The following NDUFAF6 variants were observed in gnomAD, a reference collection of about 807,000 sequenced individuals.
The protein encoded by NDUFAF6 is NADH:ubiquinone oxidoreductase complex assembly factor 6.
Under a neutral mutation model 40.8 loss-of-function variants are expected in NDUFAF6, and 45 were observed. That is an observed-to-expected ratio of 1.10 (90% CI 0.87 to 1.42). The LOEUF is 1.42. NDUFAF6 is among the 40% of genes most tolerant of loss of function. NDUFAF6 has a pLI of 0.00. For missense variants in NDUFAF6, 435 were observed against 418.5 expected (o/e 1.04, Z -0.34); for synonymous variants, 185 against 155.9 (o/e 1.19, Z -1.39).
upstream of NDUFAF6, among the ~76,000 whole-genome samples, chr8:94,954,349 C>G (rs186137167): frequency 2.9e-3 from 435 of 152,344 alleles, 2 homozygotes; most frequent in African/African-American, 0.01. Flanking sequence ...GCATGAACCA[C>G]CACACCTGAC....
chr8:94,953,129 C>T (rs1297548363), upstream of NDUFAF6, among the ~76,000 whole-genome samples: 3 of 152,158 alleles, frequency 2.0e-5, no homozygotes, highest in African/African-American at 7.2e-5. Flanking sequence ...AGGTGGATCA[C>T]CTGAGGTCGG....
chr8:94,907,484 A>G (rs1177027560), intron 1 of NDUFAF6, among the ~76,000 whole-genome samples: 2 of 152,232 alleles, frequency 1.3e-5, no homozygotes, highest in African/African-American at 4.8e-5. Context: ...ATACATTTGC[A>G]GAATATATGA....
chr8:95,031,082 C>T (rs1172365491), intron 1 of NDUFAF6, among the ~76,000 whole-genome samples: 1 of 152,224 alleles, frequency 6.6e-6, no homozygotes, highest in Non-Finnish European at 1.5e-5. Flanking sequence ...CTAGGCCCCA[C>T]CTCCAACATT....
At chr8:94,993,747 C>T (rs1345806581) in intron 2 of NDUFAF6, among the ~76,000 whole-genome samples, 8 of 152,134 alleles carry the variant, frequency 5.3e-5, no homozygotes, top group Admixed American at 5.2e-4. Flanking sequence ...AAGAAGTGCC[C>T]ATCCAGCCCA....
chr8:95,097,284 C>T (rs11774506), upstream of NDUFAF6, among the ~76,000 whole-genome samples: 33,980 of 152,072 alleles, frequency 0.22, 4,727 homozygotes, highest in African/African-American at 0.4. Context: ...AAAAAATAAA[C>T]TAAGACATCT....
At chr8:95,085,257 A>G (rs1297234924) in intron 2 of NDUFAF6, among the ~76,000 whole-genome samples, 5 of 152,190 alleles carry the variant, frequency 3.3e-5, no homozygotes, top group Non-Finnish European at 4.4e-5. Flanking sequence ...TCAAGATGAG[A>G]AAAGTTAGAC....
At chr8:94,904,749 C>G (rs1034370338) in intron 1 of NDUFAF6, among the ~76,000 whole-genome samples, 4 of 151,958 alleles carry the variant, frequency 2.6e-5, no homozygotes, top group Admixed American at 2.0e-4. Flanking sequence ...TTTTTAATGT[C>G]CAGGCTCCTT....
At chr8:94,969,784 A>G (rs1824305298) in intron 1 of NDUFAF6, among the ~76,000 whole-genome samples, 1 of 152,254 alleles carries the variant, frequency 6.6e-6, no homozygotes. Flanking sequence ...AGTAAATATA[A>G]TGAGGCTTAG....
Position 95,064,028 on chromosome 8 carries a change from C to T in NDUFAF6, c.*512-11605C>T, listed in dbSNP as rs7839883. ...CTGGGACTACACGTGCCCGCCACCA[C>T]GCCTGGCTAATTTTTTTTTTTTTTT... On this transcript the variant is annotated intron_variant and NMD_transcript_variant, in intron 9 of 9. Coordinates refer to the NDUFAF6 transcript ENST00000520757. 2.6e-4 allele frequency among the ~76,000 whole-genome samples: 38 copies of T among 148,560 alleles called. 2 individuals carry two copies. The South Asian group carries it at 8.0e-3, about 31-fold the overall frequency.
intron 4 of NDUFAF6, among the ~76,000 whole-genome samples, chr8:95,108,777 T>A (rs1809913385): frequency 6.6e-6 from 1 of 152,254 alleles, no homozygotes; most frequent in Admixed American, 6.5e-5. Flanking sequence ...TGGAAAACAG[T>A]ATGTCAGTTC....
chr8:94,896,414 C>G (rs1262660664), intron 1 of NDUFAF6: 2 of 152,162 alleles, frequency 1.3e-5, no homozygotes, highest in African/African-American at 4.8e-5. Context: ...TTAGGGGTCC[C>G]TTCGCTGCCT....
chr8:94,933,207 C>T (rs933950181), intron 1 of NDUFAF6, among the ~76,000 whole-genome samples: 1 of 152,106 alleles, frequency 6.6e-6, no homozygotes, highest in South Asian at 2.1e-4. Context: ...CAGTGAGACT[C>T]CGTGTTAAAA....
intron 1 of NDUFAF6, among the ~76,000 whole-genome samples, chr8:94,899,813 G>C (rs578065211): frequency 1.3e-5 from 2 of 152,240 alleles, no homozygotes; most frequent in Admixed American, 6.5e-5. Context: ...TTGCCAAACT[G>C]CCCTTCCAAA....
chr8:95,064,589 G>A (rs2132020416), intron 9 of NDUFAF6, among the ~76,000 whole-genome samples: 1 of 151,898 alleles, frequency 6.6e-6, no homozygotes, highest in South Asian at 2.1e-4. Context: ...ATGATTTCTG[G>A]CTCATAACTC....
At chr8:95,111,923 C>A (rs1810008658) in intron 4 of NDUFAF6, among the ~76,000 whole-genome samples, 1 of 152,146 alleles carries the variant, frequency 6.6e-6, no homozygotes, top group African/African-American at 2.4e-5. Flanking sequence ...ATGGATAAGC[C>A]TTTTGTCCCT....
At chr8:95,107,765 G>T (rs1444533294), downstream of NDUFAF6, among the ~76,000 whole-genome samples, 3 of 152,182 alleles carry the variant, frequency 2.0e-5, no homozygotes, top group Non-Finnish European at 2.9e-5. Flanking sequence ...TACCAAGGAA[G>T]TCATCAAGGA....
At chr8:94,933,837 G>GGT (rs1554630467) in intron 1 of NDUFAF6, among the ~76,000 whole-genome samples, 1 of 148,148 alleles carries the variant, frequency 6.8e-6, no homozygotes, top group Non-Finnish European at 1.5e-5. Flanking sequence ...CACTTTGTGG[G>GGT]GGGGGGGGGA....
intron 3 of NDUFAF6, among the ~76,000 whole-genome samples, chr8:95,038,239 G>A (rs931270173): frequency 2.0e-5 from 3 of 151,796 alleles, no homozygotes; most frequent in East Asian, 1.9e-4. Context: ...TCAGTTTCTC[G>A]CTCTTCTCCT....
chr8:94,947,384 A>G (rs1822115822), intron 2 of NDUFAF6, among the ~76,000 whole-genome samples: 1 of 151,974 alleles, frequency 6.6e-6, no homozygotes, highest in Non-Finnish European at 1.5e-5. Context: ...GGCTAAACGT[A>G]CCGTCATTGA....
Sources: allele counts gnomAD v4.1 joint callset (sites outside exome capture counted in the v4.1 genomes callset), GRCh38; gene constraint gnomAD v4.1.1; transcripts MANE v1.5; gene names NCBI Gene and HGNC (gene_info 2026-07-23, HGNC 2026-07-21).